Variants in COL17A1 observed in about 807,000 individuals in gnomAD.
The protein encoded by COL17A1 is collagen alpha-1(XVII) chain.
In COL17A1, 181 loss-of-function variants were observed where a neutral mutation model predicts 218.4. The ratio of observed to expected loss-of-function variants is 0.83; its 90% CI spans 0.73 to 0.94. COL17A1 has a LOEUF of 0.94. COL17A1 is among the 40% of genes least tolerant of loss of function. The pLI is 0.00. For missense variants in COL17A1, 1,924 were observed against 1,945.9 expected (o/e 0.99, Z 0.21); for synonymous variants, 721 against 731.0 (o/e 0.99, Z 0.22).
At chr10:104,058,017 G>A in intron 16 of COL17A1, 129 bp downstream of exon 16, 2 of 1,400,074 alleles carry the variant, frequency 1.4e-6, no homozygotes, top group Non-Finnish European at 2.0e-6. Context: ...GAGCCTTTAG[G>A]GAAACTCTTT....
At chr10:104,041,195 G>A (rs1352368632) in intron 38 of COL17A1, 77 bp from the exon 39 acceptor site, 2 of 1,608,828 alleles carry the variant, frequency 1.2e-6, no homozygotes, top group Non-Finnish European at 1.7e-6. Flanking sequence ...GAGGCAGCAG[G>A]GAAGCTCTTT....
intron 5 of COL17A1, among the ~76,000 whole-genome samples, chr10:104,076,032 C>A (rs1446352052): frequency 6.6e-6 from 1 of 152,218 alleles, no homozygotes; most frequent in Non-Finnish European, 1.5e-5. Context: ...AAGCATTCGT[C>A]AAGGCATTCT....
At chr10:104,059,576 A>G (rs1364316936) in intron 15 of COL17A1, 62 bp downstream of exon 15, 1 of 1,475,468 alleles carries the variant, frequency 6.8e-7, no homozygotes, top group South Asian at 1.1e-5. Context: ...GTCTCCGAAG[A>G]CAATGAAATG....
intron 47 of COL17A1, 76 bp from the exon 48 acceptor site, chr10:104,036,708 G>A (rs940638565): frequency 6.4e-7 from 1 of 1,563,298 alleles, no homozygotes; most frequent in Admixed American, 1.8e-5. Context: ...CACAGCCTGG[G>A]CTCCCCTGCA....
At position 104,041,575 on chromosome 10, in the gene COL17A1, T is replaced by C. The variant is rs542150020; in HGVS notation, c.2552-37A>G. The C allele has an allele frequency of 7.0e-6, 11 of 1,576,002 alleles. No homozygotes were observed. In the African/African-American group the frequency reaches 1.3e-4, roughly 19 times the overall value. ...AGAAAATAGAAATGAGCAAAAGCTG[T>C]CACGAGGCTGCTCTCTGCCACACTT... On this transcript the variant is annotated intron_variant, in intron 36 of 55. Coordinates refer to ENST00000648076, the MANE Select transcript of COL17A1 (RefSeq NM_000494.4).
chr10:104,043,053 T>C (rs1294168180), intron 35 of COL17A1, among the ~76,000 whole-genome samples: 1 of 152,188 alleles, frequency 6.6e-6, no homozygotes, highest in Admixed American at 6.5e-5. Context: ...CACCATCCCA[T>C]GTGGAGATAT....
At chr10:104,055,671 G>T in intron 18 of COL17A1, 111 bp downstream of exon 18, 10 of 1,443,698 alleles carry the variant, frequency 6.9e-6, no homozygotes, top group Non-Finnish European at 9.5e-6. Flanking sequence ...GGAGGAGAGA[G>T]GCCGAGAGTG....
intron 6 of COL17A1, 176 bp downstream of exon 6, chr10:104,074,008 C>A: frequency 1.1e-6 from 1 of 887,250 alleles, no homozygotes; most frequent in Admixed American, 2.0e-5. Context: ...GGCTGATAGT[C>A]CCCTTAATAT....
In COL17A1 at chr10:104,042,453, G is replaced by A. The variant is rs2086369442; in HGVS notation, c.2518C>T (p.Pro840Ser). 1.9e-6 allele frequency: 3 copies of A among 1,614,186 alleles called. No individual in the cohort carries two copies. The highest frequency in any genetic ancestry group is 2.2e-5 in the East Asian group (1 of 44,892). ...GPPGPPGAPG[P>S]AGPAGLPGHQ... Reference sequence around the variant, plus strand: ...CCTGGGAGACCAGCTGGGCCGGCAGGGCCTGGAAACGGGGTTGAGGAAGAA... The same window carrying A: ...CCTGGGAGACCAGCTGGGCCGGCAGAGCCTGGAAACGGGGTTGAGGAAGAA... The change falls in exon 36 of 56, where the codon CCT (proline) becomes TCT (serine). Residue 840 changes from proline to serine, a missense_variant and splice_region_variant. By Grantham distance (74) the Pro-to-Ser change is moderately conservative. Coordinates refer to ENST00000648076, the MANE Select transcript of COL17A1 (RefSeq NM_000494.4).
intron 45 of COL17A1, 63 bp downstream of exon 45, chr10:104,038,343 C>A: frequency 6.2e-7 from 1 of 1,606,884 alleles, no homozygotes; most frequent in East Asian, 2.2e-5. Flanking sequence ...ACCACAGCTC[C>A]CTTGCAAAGA....
chr10:104,040,282 C>T (rs2086345331), intron 40 of COL17A1, 69 bp downstream of exon 40: 1 of 1,193,708 alleles, frequency 8.4e-7, no homozygotes, highest in Non-Finnish European at 1.3e-6. Flanking sequence ...CATCCAAACC[C>T]TCCTGGCAAC....
intron 8 of COL17A1, among the ~76,000 whole-genome samples, chr10:104,070,834 C>T (rs773323376): frequency 6.6e-6 from 1 of 152,188 alleles, no homozygotes; most frequent in Non-Finnish European, 1.5e-5. Context: ...CCTAATTAGA[C>T]CTCATCAAAC....
intron 5 of COL17A1, 34 bp downstream of exon 5, chr10:104,076,267 A>C: frequency 6.2e-7 from 1 of 1,613,398 alleles, no homozygotes; most frequent in Non-Finnish European, 8.5e-7. Context: ...TGGGGAAGAG[A>C]ATGGTTCTCT....
At chr10:104,077,570 G>A in intron 3 of COL17A1, 44 bp from the exon 4 acceptor site, 1 of 1,514,502 alleles carries the variant, frequency 6.6e-7, no homozygotes. Flanking sequence ...GTGGAGTCAG[G>A]CCAGAGGATC....
chr10:104,032,572 G>T, intron 55 of COL17A1, 102 bp downstream of exon 55: 1 of 1,295,996 alleles, frequency 7.7e-7, no homozygotes, highest in Non-Finnish European at 1.1e-6. Flanking sequence ...GCATTTGCCT[G>T]AATTTCTCAG....
In COL17A1 at chr10:104,074,191, C is replaced by T; in HGVS notation, c.372G>A (p.Lys124=). ...SGNSSPEYPR[K]EFASSSTRGR... ...AATAAGGAGAGGACATACCAAATTCCTTCCGAGGGTACTCCGGAGAAGAGT... is the reference window on the plus strand; with the variant it reads ...AATAAGGAGAGGACATACCAAATTCTTTCCGAGGGTACTCCGGAGAAGAGT... The change falls in exon 6 of 56, where the codon AAG becomes AAA. Residue 124 remains lysine (K), a synonymous_variant. Coordinates refer to ENST00000648076, the MANE Select transcript of COL17A1 (RefSeq NM_000494.4). 6.2e-7 allele frequency: 1 copy of T among 1,614,188 alleles called. No individual in the cohort carries two copies. The highest frequency in any genetic ancestry group is 8.5e-7 in the Non-Finnish European group (1 of 1,180,034).
In COL17A1 at chr10:104,045,764, T is replaced by C. The variant is rs767013139; in HGVS notation, c.2392A>G (p.Ile798Val). 3 of 1,612,030 alleles carry C rather than the reference T, an allele frequency of 1.9e-6. No individual in the cohort carries two copies. Among genetic ancestry groups the C allele is most frequent in the Admixed American group, 1.7e-5 (1 of 60,028 alleles). ...GLPGTPGRPG[I>V]KGEPGAPGKI... ...CATTTGGAAATTCACTTACCTTTTA[T>C]TCCTGGTCGGCCAGGGGTACCGGGA... is the stretch of plus-strand genomic sequence containing the variant. Residue 798 changes from isoleucine to valine, a missense_variant, in exon 33 of 56, where the codon ATA becomes GTA. Coordinates refer to ENST00000648076, the MANE Select transcript of COL17A1 (RefSeq NM_000494.4).
chr10:104,034,289 C>G lies in COL17A1; in HGVS notation c.3812G>C (p.Gly1271Ala). 6.3e-7 allele frequency: 1 copy of G among 1,585,154 alleles called. No individual in the cohort carries two copies. Among genetic ancestry groups the G allele is most frequent in the Middle Eastern group, 2.2e-4 (1 of 4,522 alleles). Reference protein sequence around the residue: ...SFIVGPPGPPGPQGPPGDSRL... With the variant: ...SFIVGPPGPPAPQGPPGDSRL... ...GCTGTCCCCAGGGGGTCCCTGCGGC[C>G]CAGGAGGGCCTGGGGGGCCAACAAT... The change falls in exon 52 of 56, where the codon GGG becomes GCG. Residue 1271 changes from glycine to alanine, a missense_variant. By Grantham distance (60) the Gly-to-Ala change is moderately conservative. Coordinates refer to ENST00000648076, the MANE Select transcript of COL17A1 (RefSeq NM_000494.4).
intron 5 of COL17A1, among the ~76,000 whole-genome samples, chr10:104,076,058 C>T (rs1018804171): frequency 4.6e-5 from 7 of 152,192 alleles, no homozygotes; most frequent in African/African-American, 1.7e-4. Context: ...GTGTTAAACG[C>T]ATAGCAGGTA....
Sources: allele counts gnomAD v4.1 joint callset (sites outside exome capture counted in the v4.1 genomes callset), GRCh38; gene constraint gnomAD v4.1.1; transcripts MANE v1.5; gene names NCBI Gene and HGNC (gene_info 2026-07-23, HGNC 2026-07-21).